PDSS2: variants seen among roughly 807,000 people sequenced by gnomAD.
The protein encoded by PDSS2 is decaprenyl diphosphate synthase subunit 2.
A neutral mutation model predicts 44.5 loss-of-function variants in PDSS2; 31 were observed. The observed-to-expected ratio is 0.70, with a 90% CI of 0.52 to 0.94. PDSS2 has a LOEUF of 0.94. Among genes scored for constraint, PDSS2 ranks in the 40% least tolerant of loss-of-function variants. The pLI, the probability that PDSS2 is intolerant of heterozygous loss-of-function variation, is 0.00. For missense variants in PDSS2, 452 were observed against 482.2 expected (o/e 0.94, Z 0.59); for synonymous variants, 157 against 180.3 (o/e 0.87, Z 1.03).
At chr6:107,170,922 C>T (rs558365804) in intron 7 of PDSS2, among the ~76,000 whole-genome samples, 1 of 152,160 alleles carries the variant, frequency 6.6e-6, no homozygotes, top group East Asian at 1.9e-4. Context: ...CAGGTTTATA[C>T]TATTCTAACC....
At chr6:107,171,363 G>A (rs1554248572) in intron 7 of PDSS2, among the ~76,000 whole-genome samples, 1 of 151,716 alleles carries the variant, frequency 6.6e-6, no homozygotes, top group Non-Finnish European at 1.5e-5. Flanking sequence ...GTTTTGCCAT[G>A]TTGCCCAGAG....
Position 107,335,161 on chromosome 6 carries a change from CAAAAAAA to C in PDSS2, c.297-836_297-830del, listed in dbSNP as rs765731620. ...GGGAGACGGATTGAGACTCTGTTTCCAAAAAAAAAAAAAAAAAAAAAAAGTGACAATC... is the reference window on the plus strand; with the variant it reads ...GGGAGACGGATTGAGACTCTGTTTCCAAAAAAAAAAAAAAAAGTGACAATC... On this transcript the variant is annotated intron_variant, in intron 1 of 7. Coordinates refer to ENST00000369037, the MANE Select transcript of PDSS2 (RefSeq NM_020381.4). 5.5e-4 allele frequency among the ~76,000 whole-genome samples: 35 copies of C among 64,164 alleles called. 1 individual carries two copies. In the South Asian group the frequency reaches 5.5e-3, roughly 10 times the overall value. The allele number at this position is 64,164 out of a possible 152,430, so 42.1% of individuals were successfully genotyped here.
chr6:107,331,354 T>C (rs1218251905), intron 2 of PDSS2, among the ~76,000 whole-genome samples: 2 of 152,198 alleles, frequency 1.3e-5, no homozygotes, highest in Non-Finnish European at 2.9e-5. Context: ...AGCCTGGGTT[T>C]ACATGCCAGG....
intron 7 of PDSS2, among the ~76,000 whole-genome samples, chr6:107,183,410 A>G (rs954487045): frequency 1.3e-5 from 2 of 152,214 alleles, no homozygotes; most frequent in African/African-American, 4.8e-5. Context: ...ATGCTAAGAC[A>G]TCTTTGGCCA....
chr6:107,331,836 TA>T (rs915771221), intron 2 of PDSS2, among the ~76,000 whole-genome samples: 13 of 151,794 alleles, frequency 8.6e-5, no homozygotes, highest in African/African-American at 1.7e-4. Flanking sequence ...GGATTAGAGA[TA>T]AAAAAAATAG....
intron 2 of PDSS2, among the ~76,000 whole-genome samples, chr6:107,285,160 A>G (rs1390662193): frequency 6.6e-6 from 1 of 152,250 alleles, no homozygotes; most frequent in Non-Finnish European, 1.5e-5. Flanking sequence ...TTAAAATGAT[A>G]GGCAAGAGTC....
intron 1 of PDSS2, among the ~76,000 whole-genome samples, chr6:107,366,327 C>A (rs964436375): frequency 6.6e-6 from 1 of 151,916 alleles, no homozygotes; most frequent in South Asian, 2.1e-4. Flanking sequence ...AATATTTCCA[C>A]CTGAATGAAA....
At chr6:107,256,396 A>G (rs1052745311) in intron 3 of PDSS2, among the ~76,000 whole-genome samples, 3 of 152,280 alleles carry the variant, frequency 2.0e-5, no homozygotes, top group Admixed American at 1.3e-4. Flanking sequence ...TCACAGATAC[A>G]TCTTGCAAAT....
chr6:107,336,861 T>A (rs1487494575), intron 1 of PDSS2, among the ~76,000 whole-genome samples: 1 of 146,388 alleles, frequency 6.8e-6, no homozygotes, highest in African/African-American at 2.5e-5. Flanking sequence ...TGTGTGTGTG[T>A]GTGTGTGTGT....
At chr6:107,189,018 C>T (rs934011890) in intron 7 of PDSS2, among the ~76,000 whole-genome samples, 1 of 152,146 alleles carries the variant, frequency 6.6e-6, no homozygotes, top group African/African-American at 2.4e-5. Flanking sequence ...TCAGGTGATC[C>T]TCTACCTCAG....
At chr6:107,156,903 C>G (rs1554245746) in intron 7 of PDSS2, among the ~76,000 whole-genome samples, 1 of 152,196 alleles carries the variant, frequency 6.6e-6, no homozygotes, top group African/African-American at 2.4e-5. Context: ...TTATCCTCTA[C>G]TCCTCATTCC....
At chr6:107,263,096 T>C (rs1775297065) in intron 3 of PDSS2, among the ~76,000 whole-genome samples, 1 of 152,234 alleles carries the variant, frequency 6.6e-6, no homozygotes, top group African/African-American at 2.4e-5. Context: ...TTGTTCAGTT[T>C]GTTTTCCTAT....
At chr6:107,256,794 G>A (rs2114858772) in intron 3 of PDSS2, among the ~76,000 whole-genome samples, 1 of 152,236 alleles carries the variant, frequency 6.6e-6, no homozygotes, top group Non-Finnish European at 1.5e-5. Context: ...TTGGGAGGCT[G>A]AGGTAGGAGA....
intron 1 of PDSS2, among the ~76,000 whole-genome samples, chr6:107,428,344 G>C (rs1781067477): frequency 6.6e-6 from 1 of 152,186 alleles, no homozygotes; most frequent in African/African-American, 2.4e-5. Context: ...AGAAAAAGTT[G>C]ATCACTATCT....
intron 7 of PDSS2, among the ~76,000 whole-genome samples, chr6:107,162,654 C>CT (rs1372863479): frequency 1.5e-5 from 2 of 129,334 alleles, no homozygotes; most frequent in African/African-American, 6.0e-5. Flanking sequence ...GCCACTCAGG[C>CT]TAGAGTGCAG....
intron 4 of PDSS2, among the ~76,000 whole-genome samples, chr6:107,225,352 T>C (rs1205007917): frequency 1.3e-5 from 2 of 150,942 alleles, no homozygotes; most frequent in Non-Finnish European, 2.9e-5. Flanking sequence ...TTTGTATCAC[T>C]GTATTGGTCA....
At chr6:107,365,685 T>A (rs1304697394) in intron 1 of PDSS2, among the ~76,000 whole-genome samples, 1 of 152,168 alleles carries the variant, frequency 6.6e-6, no homozygotes, top group Non-Finnish European at 1.5e-5. Context: ...CAGAAGGTGA[T>A]ATGCCATGCA....
At chr6:107,175,604 CAT>C (rs1771759791) in intron 7 of PDSS2, among the ~76,000 whole-genome samples, 1 of 152,008 alleles carries the variant, frequency 6.6e-6, no homozygotes, top group African/African-American at 2.4e-5. Flanking sequence ...ATGATAAAGC[CAT>C]ATTTATAGAG....
intron 1 of PDSS2, among the ~76,000 whole-genome samples, chr6:107,377,607 T>C: frequency 6.6e-6 from 1 of 152,130 alleles, no homozygotes; most frequent in East Asian, 1.9e-4. Flanking sequence ...TGCGGCACTA[T>C]TCACAATAGC....
Sources: gnomAD v4.1 joint callset for allele counts (sites outside exome capture counted in the v4.1 genomes callset) on GRCh38, gnomAD v4.1.1 for gene constraint, MANE v1.5 for transcripts, NCBI Gene and HGNC (gene_info 2026-07-23, HGNC 2026-07-21) for gene names.